KANK1: variants seen among roughly 807,000 people sequenced by gnomAD.
KANK1 encodes KN motif and ankyrin repeat domains 1.
A neutral mutation model predicts 106.2 loss-of-function variants in KANK1; 109 were observed. The ratio of observed to expected loss-of-function variants is 1.03; its 90% confidence interval spans 0.88 to 1.20. KANK1 has a LOEUF of 1.20. Among genes scored for constraint, KANK1 ranks in the 50% most tolerant of loss-of-function variants. KANK1 has a pLI of 0.00. For synonymous variants in KANK1, 873 were observed against 652.2 expected, an observed-to-expected ratio of 1.34 and a Z score of -5.16; for missense variants, 2,399 against 1,710.7, an observed-to-expected ratio of 1.40 and a Z score of -7.10.
chr9:532,996 G>A lies in KANK1; in HGVS notation c.-84+28242G>A, dbSNP rs185857728. On this transcript the variant is annotated intron_variant, in intron 1 of 11. Coordinates refer to ENST00000382297, the MANE Select transcript of KANK1 (RefSeq NM_015158.5). ...GGGGCATCTCTGGCACCATGTTGCT[G>A]GTCGGAACAGTTTTGGAGTTGGATT... Among the ~76,000 whole-genome samples, 5 of 152,244 alleles carry A rather than the reference G, an allele frequency of 3.3e-5. No homozygotes were observed. In the East Asian group the frequency reaches 9.7e-4, roughly 29 times the overall value.
chr9:607,398 T>C (rs1352746217), intron 1 of KANK1, among the ~76,000 whole-genome samples: 3 of 145,864 alleles, frequency 2.1e-5, no homozygotes, highest in Admixed American at 1.4e-4. Flanking sequence ...GGCAGGAGAA[T>C]CGCTTGAATC....
At chr9:601,588 C>G (rs1359248018) in intron 1 of KANK1, among the ~76,000 whole-genome samples, 1 of 151,866 alleles carries the variant, frequency 6.6e-6, no homozygotes, top group Non-Finnish European at 1.5e-5. Flanking sequence ...TACTTGATGT[C>G]AGTTTCCCTT....
intron 3 of KANK1, chr9:476,588 C>T (rs1002419501): frequency 2.6e-5 from 4 of 152,100 alleles, no homozygotes; most frequent in Non-Finnish European, 5.9e-5. Flanking sequence ...AACCAAACCC[C>T]CTGCTTCCAT....
At chr9:576,618 G>A (rs1246943822) in intron 1 of KANK1, among the ~76,000 whole-genome samples, 1 of 152,174 alleles carries the variant, frequency 6.6e-6, no homozygotes, top group South Asian at 2.1e-4. Context: ...ACTTGACATT[G>A]TTTCATTTAG....
chr9:581,723 C>T (rs927521489), intron 1 of KANK1, among the ~76,000 whole-genome samples: 3 of 152,066 alleles, frequency 2.0e-5, no homozygotes, highest in Non-Finnish European at 2.9e-5. Context: ...AGAGTTGTGC[C>T]AAGGTTCCAG....
At chr9:648,962 A>G (rs915075037) in intron 1 of KANK1, among the ~76,000 whole-genome samples, 11 of 151,962 alleles carry the variant, frequency 7.2e-5, no homozygotes, top group Middle Eastern at 3.4e-3. Flanking sequence ...TTATTAGGAG[A>G]CTCTCATTCC....
At chr9:476,931 C>T (rs1233929110) in intron 3 of KANK1, among the ~76,000 whole-genome samples, 1 of 152,124 alleles carries the variant, frequency 6.6e-6, no homozygotes, top group African/African-American at 2.4e-5. Context: ...TATGTGTCTC[C>T]CCGAAATTAG....
intron 2 of KANK1, among the ~76,000 whole-genome samples, chr9:688,469 C>T (rs574944705): frequency 1.3e-5 from 2 of 151,926 alleles, no homozygotes; most frequent in Non-Finnish European, 1.5e-5. Context: ...AGCTGGGCGT[C>T]GCAGCGGGCA....
upstream of KANK1, chr9:504,589 G>A (rs1015748191): frequency 4.0e-5 from 6 of 149,358 alleles, no homozygotes; most frequent in East Asian, 2.0e-4. Flanking sequence ...GAGGCTTGCT[G>A]GTCCGCCCCG....
chr9:704,428 C>T (rs920808495), intron 2 of KANK1, among the ~76,000 whole-genome samples: 7 of 152,110 alleles, frequency 4.6e-5, no homozygotes, highest in African/African-American at 1.7e-4. Context: ...TGGAGGAAGG[C>T]ACAAAGAAGA....
intron 9 of KANK1, 128 bp from the exon 10 acceptor site, chr9:742,077 T>C (rs1835736178): frequency 1.3e-6 from 1 of 777,056 alleles, no homozygotes; most frequent in Non-Finnish European, 2.2e-6. Context: ...CTGCCCCAAG[T>C]AGTTCCATCG....
chr9:484,697 G>A (rs2058261642), intron 3 of KANK1, among the ~76,000 whole-genome samples: 1 of 152,184 alleles, frequency 6.6e-6, no homozygotes, highest in African/African-American at 2.4e-5. Context: ...CTGTTCTCAA[G>A]GATCACAGGT....
chr9:530,651 T>C lies in KANK1; in HGVS notation c.-84+25897T>C, dbSNP rs578025577. On this transcript the variant is annotated intron_variant, in intron 1 of 11. Coordinates refer to ENST00000382297, the MANE Select transcript of KANK1 (RefSeq NM_015158.5). ...GGGAGGATTGGGCTTGTATTAAATATTTTATTGTTGATGTTAATTGTCAGT... is the reference window on the plus strand; with the variant it reads ...GGGAGGATTGGGCTTGTATTAAATACTTTATTGTTGATGTTAATTGTCAGT... 7.4e-4 allele frequency among the ~76,000 whole-genome samples: 112 copies of C among 152,326 alleles called. 1 individual carries two copies. Among genetic ancestry groups the C allele is most frequent in the African/African-American group, 2.7e-3 (111 of 41,572 alleles).
chr9:481,061 G>A (rs567494126), intron 3 of KANK1, among the ~76,000 whole-genome samples: 9 of 152,176 alleles, frequency 5.9e-5, no homozygotes, highest in Non-Finnish European at 1.0e-4. Context: ...ACACTTACAT[G>A]AGCCTACAAT....
At chr9:716,343 T>C (rs1014868234) in intron 3 of KANK1, among the ~76,000 whole-genome samples, 1 of 152,246 alleles carries the variant, frequency 6.6e-6, no homozygotes, top group East Asian at 1.9e-4. Context: ...GTTGTTGTTA[T>C]GGTTAGAGTA....
intron 1 of KANK1, among the ~76,000 whole-genome samples, chr9:675,317 G>A (rs1392996288): frequency 6.6e-6 from 1 of 151,754 alleles, no homozygotes; most frequent in African/African-American, 2.4e-5. Context: ...AGGTCATGTG[G>A]GTTTCTGAAT....
chr9:690,485 G>T (rs1463042894), intron 2 of KANK1, among the ~76,000 whole-genome samples: 1 of 152,094 alleles, frequency 6.6e-6, no homozygotes. Flanking sequence ...TTGCTGTAGG[G>T]TTGTTGTGAG....
At chr9:579,623 G>A (rs971024758) in intron 1 of KANK1, among the ~76,000 whole-genome samples, 10 of 152,232 alleles carry the variant, frequency 6.6e-5, no homozygotes, top group African/African-American at 2.2e-4. Context: ...ACATCTTTAT[G>A]TGGTCCAGTG....
At chr9:509,252 C>G (rs1391990185) in intron 1 of KANK1, among the ~76,000 whole-genome samples, 2 of 152,172 alleles carry the variant, frequency 1.3e-5, no homozygotes, top group Non-Finnish European at 2.9e-5. Flanking sequence ...CACACGCCAC[C>G]ACGCCCAGCT....
Sources: gnomAD v4.1 joint callset for allele counts (sites outside exome capture counted in the v4.1 genomes callset) on GRCh38, gnomAD v4.1.1 for gene constraint, MANE v1.5 for transcripts, NCBI Gene and HGNC (gene_info 2026-07-23, HGNC 2026-07-21) for gene names.